MALAT1: variants seen among roughly 807,000 people sequenced by gnomAD.
The protein encoded by MALAT1 is metastasis associated lung adenocarcinoma transcript 1, also known as hepcarcin.
intron 1 of MALAT1, chr11:65,498,206 A>C: frequency 1.9e-6 from 1 of 518,932 alleles, no homozygotes; most frequent in Non-Finnish European, 3.8e-6. Flanking sequence ...TCGGAGACAA[A>C]GCCATTCGCT....
chr11:65,501,311 G>T (rs377204358), exon 3 of MALAT1: 12 of 518,502 alleles, frequency 2.3e-5, no homozygotes, highest in African/African-American at 2.1e-4. Context: ...AATGACTCAA[G>T]GTGTAACAGA....
exon 3 of MALAT1, chr11:65,502,872 C>A (rs768826550): frequency 4.1e-6 from 2 of 493,606 alleles, no homozygotes; most frequent in Non-Finnish European, 4.0e-6. Context: ...ACGGAATCTA[C>A]CATTTTAAAG....
chr11:65,506,469 ATTG>A (rs370225003), downstream of MALAT1: 20 of 307,902 alleles, frequency 6.5e-5, no homozygotes, highest in East Asian at 2.9e-4. Flanking sequence ...GAAGCTCTAA[ATTG>A]TTGTGGTTCT....
At chr11:65,501,247 C>T (rs1249655867) in exon 3 of MALAT1, 1 of 493,458 alleles carries the variant, frequency 2.0e-6, no homozygotes, top group Non-Finnish European at 4.0e-6. Flanking sequence ...GGGGTGGGGG[C>T]AAAATATGTT....
exon 3 of MALAT1, chr11:65,500,443 A>G (rs1445909855): frequency 1.9e-6 from 1 of 518,910 alleles, no homozygotes; most frequent in East Asian, 5.4e-5. Flanking sequence ...AGACAGCAGC[A>G]GACAGGATTC....
At chr11:65,506,184 C>T in intron 3 of MALAT1, 1 of 434,286 alleles carries the variant, frequency 2.3e-6, no homozygotes, top group South Asian at 1.7e-5. Flanking sequence ...TTTGCTTTGA[C>T]TACTAATCTG....
exon 3 of MALAT1, chr11:65,502,028 T>A (rs756528356): frequency 1.2e-5 from 6 of 517,028 alleles, no homozygotes; most frequent in African/African-American, 1.2e-4. Flanking sequence ...ATGATTTAGT[T>A]TTTTTCCCCC....
At chr11:65,498,749 C>T (rs1363926073) in intron 2 of MALAT1, 2 of 518,736 alleles carry the variant, frequency 3.9e-6, no homozygotes, top group South Asian at 1.4e-5. Context: ...TTTAAAAGTT[C>T]CGGGGGTTTT....
chr11:65,497,948 T>G (rs755518133), intron 1 of MALAT1: 4 of 518,850 alleles, frequency 7.7e-6, no homozygotes, highest in Non-Finnish European at 1.5e-5. Context: ...CTATCTTAGC[T>G]GTCCTTATAG....
intron 1 of MALAT1, chr11:65,498,087 C>T (rs768853832): frequency 1.3e-5 from 7 of 518,946 alleles, no homozygotes; most frequent in Non-Finnish European, 2.7e-5. Flanking sequence ...CATACCTAAC[C>T]AGGCATAACA....
rs145289072 is a variant in MALAT1, at chr11:65,501,491, C to T, written n.2754C>T. On this transcript the variant is annotated non_coding_transcript_exon_variant, in exon 3 of 4. Transcript: ENST00000619449. ...TTAATCAGACTTTAAAAGTGCTTAA[C>T]CCCTTAAACTTGTTATTTTTTACTT... The T allele has an allele frequency of 1.0e-4, 52 of 517,360 alleles. No individual in the cohort carries two copies. In the East Asian group the frequency reaches 2.4e-3, roughly 24 times the overall value. The allele number at this position is 517,360 out of a possible 1,614,324, so 32.0% of individuals were successfully genotyped here. A position where few individuals can be genotyped will look rare whatever the true frequency, so the allele number is the denominator to read the frequency against.
At chr11:65,506,027 G>A (rs761176135) in intron 3 of MALAT1, 5 of 456,212 alleles carry the variant, frequency 1.1e-5, no homozygotes, top group South Asian at 8.1e-5. Context: ...GGGTCATGAA[G>A]GTTTTTCTTT....
chr11:65,499,065 C>T (rs781394890), exon 3 of MALAT1: 14 of 518,084 alleles, frequency 2.7e-5, no homozygotes, highest in South Asian at 1.1e-4. Context: ...GCAGCCAGCG[C>T]AGGGGCTTCT....
exon 3 of MALAT1, chr11:65,500,049 T>A: frequency 2.3e-6 from 1 of 440,588 alleles, no homozygotes; most frequent in Non-Finnish European, 4.5e-6. Flanking sequence ...TTTCTGGTGG[T>A]GCAGAAGTTA....
exon 3 of MALAT1, chr11:65,503,603 TAATA>T (rs1286924790): frequency 3.9e-6 from 2 of 508,344 alleles, no homozygotes; most frequent in Admixed American, 4.1e-5. Flanking sequence ...TCATTCAAAA[TAATA>T]AACTATTTTT....
At chr11:65,503,720 A>T (rs1854608068) in exon 3 of MALAT1, 1 of 517,470 alleles carries the variant, frequency 1.9e-6, no homozygotes. Flanking sequence ...TTCTTCTCTA[A>T]TCTTTCAGAA....
exon 3 of MALAT1, chr11:65,500,873 A>G (rs1854530584): frequency 1.9e-6 from 1 of 517,870 alleles, no homozygotes; most frequent in African/African-American, 1.9e-5. Context: ...GTGTAAAGGG[A>G]TTTATATGGG....
intron 3 of MALAT1, chr11:65,505,856 G>A (rs373747350): frequency 2.8e-5 from 13 of 467,280 alleles, no homozygotes; most frequent in South Asian, 2.1e-4. Context: ...TGCTGGGTGG[G>A]AACATGTAAC....
chr11:65,499,766 C>T (rs559129712), exon 3 of MALAT1: 243 of 424,264 alleles, frequency 5.7e-4, no homozygotes, highest in Non-Finnish European at 1.1e-3. Context: ...AAATTTAAAC[C>T]TGAAAAGTAG....
Sources: allele counts gnomAD v4.1 joint callset, GRCh38; gene constraint gnomAD v4.1.1; transcripts MANE v1.5; gene names NCBI Gene and HGNC (gene_info 2026-07-23, HGNC 2026-07-21).